Variants in SARDH observed in about 807,000 individuals in gnomAD.
The protein encoded by SARDH is sarcosine dehydrogenase, mitochondrial.
A neutral mutation model predicts 109.1 loss-of-function variants in SARDH; 95 were observed. The ratio of observed to expected loss-of-function variants is 0.87; its 90% CI spans 0.74 to 1.03. SARDH has a LOEUF of 1.03. Ranked by LOEUF, SARDH falls within the 50% of genes least tolerant of loss-of-function variation. SARDH has a pLI of 0.00. For missense variants in SARDH, 1,267 were observed against 1,287.8 expected (o/e 0.98, Z 0.25); for synonymous variants, 572 against 534.8 (o/e 1.07, Z -0.96).
chr9:133,690,980 T>A (rs1366726147), intron 15 of SARDH, among the ~76,000 whole-genome samples: 1 of 152,160 alleles, frequency 6.6e-6, no homozygotes, highest in South Asian at 2.1e-4. Flanking sequence ...ACGAGAGACC[T>A]CTCAGGGCCC....
intron 17 of SARDH, 46 bp from the exon 18 acceptor site, chr9:133,671,743 G>A: frequency 1.3e-6 from 2 of 1,531,526 alleles, no homozygotes; most frequent in Non-Finnish European, 1.8e-6. Context: ...TAAGATGGCT[G>A]AGGTCCAGGC....
chr9:133,670,675 T>A lies in SARDH; in HGVS notation c.2404A>T (p.Lys802Ter), dbSNP rs1830313167. ...EAGLAFTCKL[K>*]SPVPFLGREA... ...CTCCCCAGGAAGGGCACCGGCGACT[T>A]GAGCTTGCAGGTGAAGGCCAGGCCT... The change falls in exon 19 of 21, where the codon AAG becomes TAG. Residue 802 changes from lysine (K) to a stop codon, truncating the protein, a stop_gained. Coordinates refer to ENST00000439388, the MANE Select transcript of SARDH (RefSeq NM_001134707.2). LOFTEE classifies it high-confidence loss of function. 1.2e-6 allele frequency: 2 copies of A among 1,605,272 alleles called. No individual in the cohort carries two copies. Among genetic ancestry groups the A allele is most frequent in the African/African-American group, 1.3e-5 (1 of 74,904 alleles).
intron 17 of SARDH, among the ~76,000 whole-genome samples, chr9:133,675,918 C>T (rs1830494750): frequency 1.3e-5 from 2 of 152,180 alleles, no homozygotes; most frequent in African/African-American, 4.8e-5. Context: ...TAGGGAGGCC[C>T]TGTCTCTACA....
intron 11 of SARDH, 27 bp downstream of exon 11, chr9:133,708,260 C>G (rs774310557): frequency 1.2e-6 from 2 of 1,602,302 alleles, no homozygotes; most frequent in Non-Finnish European, 1.7e-6. Context: ...CGCTGCCAGT[C>G]CCCAGCAGGA....
intron 16 of SARDH, among the ~76,000 whole-genome samples, chr9:133,687,692 T>C (rs951983203): frequency 3.9e-5 from 6 of 152,194 alleles, no homozygotes; most frequent in African/African-American, 9.7e-5. Flanking sequence ...GGCTGCGTGT[T>C]GGACCACTCA....
downstream of SARDH, chr9:133,663,416 GT>G (rs563831286): frequency 4.6e-4 from 108 of 235,628 alleles, no homozygotes; most frequent in African/African-American, 2.4e-3. Context: ...AGGCCTCCAT[GT>G]GCGCTGTGGC....
At chr9:133,720,037 A>G (rs143960188) in intron 6 of SARDH, among the ~76,000 whole-genome samples, 1 of 151,536 alleles carries the variant, frequency 6.6e-6, no homozygotes, top group African/African-American at 2.4e-5. Flanking sequence ...GTGAACCCAG[A>G]ACGTGGTGCT....
At chr9:133,684,695 G>T (rs912323775) in intron 17 of SARDH, among the ~76,000 whole-genome samples, 2 of 152,170 alleles carry the variant, frequency 1.3e-5, no homozygotes, top group African/African-American at 4.8e-5. Flanking sequence ...GTTGGTGGGG[G>T]ACATGTGGGG....
chr9:133,668,402 T>C (rs1416093258), intron 19 of SARDH, among the ~76,000 whole-genome samples: 4 of 37,664 alleles, frequency 1.1e-4, no homozygotes, highest in Admixed American at 3.4e-4. Flanking sequence ...TCCCTCTCCC[T>C]TCACCCTCCC....
At chr9:133,691,509 G>A (rs1488215007) in intron 15 of SARDH, among the ~76,000 whole-genome samples, 4 of 152,250 alleles carry the variant, frequency 2.6e-5, no homozygotes, top group Non-Finnish European at 4.4e-5. Flanking sequence ...GGCAGTGGGT[G>A]TGGGGGGAGC....
intron 1 of SARDH, among the ~76,000 whole-genome samples, chr9:133,734,915 C>T (rs928023112): frequency 8.5e-5 from 13 of 152,268 alleles, no homozygotes; most frequent in African/African-American, 3.1e-4. Flanking sequence ...TGTGCTGGGG[C>T]AGACCCCAGG....
At chr9:133,678,734 T>C (rs2131352813) in intron 17 of SARDH, among the ~76,000 whole-genome samples, 2 of 152,290 alleles carry the variant, frequency 1.3e-5, no homozygotes, top group South Asian at 4.1e-4. Flanking sequence ...CGGCTCCCCA[T>C]TCTTCACCGA....
At chr9:133,674,229 C>T (rs1017593113) in intron 17 of SARDH, among the ~76,000 whole-genome samples, 1 of 152,254 alleles carries the variant, frequency 6.6e-6, no homozygotes, top group Non-Finnish European at 1.5e-5. Flanking sequence ...CAAACACGGG[C>T]TCCCAGTCAG....
chr9:133,710,780 C>T (rs1179422096), intron 10 of SARDH, among the ~76,000 whole-genome samples: 1 of 152,278 alleles, frequency 6.6e-6, no homozygotes, highest in Admixed American at 6.5e-5. Flanking sequence ...GGTGGCTGGT[C>T]CTGCTGGTGG....
In SARDH at chr9:133,663,943, A is replaced by G; in HGVS notation, c.2703T>C (p.Ala901=). The change falls in exon 21 of 21, where the codon GCT becomes GCC. Residue 901 remains alanine (A), a synonymous_variant. Transcript: ENST00000439388. ...TGGGGTCGAAGGGCGACTTCAGGTG[A>G]GCCTGGGCACCATAGGTCACCCCCA... The part of the protein sequence containing the change: ...ERMGVTYGAQ[A]HLKSPFDPNN... The G allele has an allele frequency of 6.2e-7, 1 of 1,614,132 alleles. No homozygotes were observed. Among genetic ancestry groups the G allele is most frequent in the Non-Finnish European group, 8.5e-7 (1 of 1,180,018 alleles).
chr9:133,664,810 T>C (rs138094786), intron 20 of SARDH, among the ~76,000 whole-genome samples: 240 of 152,332 alleles, frequency 1.6e-3, no homozygotes, highest in African/African-American at 5.6e-3. Context: ...TTCTGAGCCA[T>C]GTGTGCACCT....
At chr9:133,714,202 C>G (rs988844962) in intron 8 of SARDH, among the ~76,000 whole-genome samples, 1 of 152,188 alleles carries the variant, frequency 6.6e-6, no homozygotes, top group Non-Finnish European at 1.5e-5. Flanking sequence ...AGATCAGGAG[C>G]AAGTGCCGTC....
chr9:133,724,307 A>G (rs978064920), intron 6 of SARDH, among the ~76,000 whole-genome samples: 1 of 152,228 alleles, frequency 6.6e-6, no homozygotes, highest in Non-Finnish European at 1.5e-5. Context: ...GAACTCCTAC[A>G]ACTCAATAAA....
intron 4 of SARDH, 131 bp from the exon 5 acceptor site, chr9:133,730,318 G>A (rs12236251): frequency 0.22 from 260,429 of 1,195,692 alleles, 29,356 homozygotes; most frequent in Middle Eastern, 0.24. Context: ...GGTCCCCTGC[G>A]ACACTGTCAG....
Sources: allele counts gnomAD v4.1 joint callset (sites outside exome capture counted in the v4.1 genomes callset), GRCh38; gene constraint gnomAD v4.1.1; transcripts MANE v1.5; gene names NCBI Gene and HGNC (gene_info 2026-07-23, HGNC 2026-07-21).